Variants in SMYD3 observed in about 807,000 individuals in gnomAD.
SMYD3 encodes the protein SET and MYND domain containing 3.
SMYD3 carries 36 observed loss-of-function variants against 57.7 expected under a neutral mutation model. The observed-to-expected ratio is 0.62, with a 90% CI of 0.48 to 0.82. The LOEUF is 0.82. SMYD3 is among the 40% of genes least tolerant of loss of function. The pLI is 0.00. For synonymous variants in SMYD3, 211 were observed against 195.0 expected, an observed-to-expected ratio of 1.08 and a Z score of -0.68; for missense variants, 515 against 538.8, an observed-to-expected ratio of 0.96 and a Z score of 0.44.
chr1:245,915,684 C>T, intron 7 of SMYD3, 44 bp from the exon 8 acceptor site: 2 of 1,250,190 alleles, frequency 1.6e-6, no homozygotes, highest in Non-Finnish European at 2.3e-6. Context: ...ATCTGCTGTG[C>T]TCATTTCTTT....
intron 10 of SMYD3, among the ~76,000 whole-genome samples, chr1:245,770,255 C>A (rs564928745): frequency 3.3e-5 from 5 of 152,118 alleles, no homozygotes; most frequent in African/African-American, 1.2e-4. Flanking sequence ...GTACTTTTCC[C>A]TTTGATGATC....
intron 5 of SMYD3, among the ~76,000 whole-genome samples, chr1:245,951,428 G>A: frequency 7.2e-6 from 1 of 137,948 alleles, no homozygotes; most frequent in East Asian, 2.8e-4. Flanking sequence ...AATTAGCTGG[G>A]CGAGGTGGTG....
chr1:246,116,303 A>G (rs927477762), intron 5 of SMYD3, among the ~76,000 whole-genome samples: 1 of 151,922 alleles, frequency 6.6e-6, no homozygotes, highest in Non-Finnish European at 1.5e-5. Context: ...TACAGCTAAC[A>G]CTTCACTTCT....
intron 1 of SMYD3, among the ~76,000 whole-genome samples, chr1:246,405,985 G>C (rs971647845): frequency 1.3e-5 from 2 of 151,752 alleles, no homozygotes; most frequent in Non-Finnish European, 2.9e-5. Flanking sequence ...CTGAATCGCT[G>C]CAACAGTCTG....
intron 5 of SMYD3, among the ~76,000 whole-genome samples, chr1:245,949,573 G>A (rs772439379): frequency 7.6e-4 from 116 of 152,332 alleles, no homozygotes; most frequent in Non-Finnish European, 9.3e-4. Context: ...ACTTTGGGAG[G>A]CCAAGGCGGT....
At chr1:245,812,364 G>A (rs1264861699) in intron 10 of SMYD3, among the ~76,000 whole-genome samples, 3 of 152,158 alleles carry the variant, frequency 2.0e-5, no homozygotes, top group Admixed American at 6.5e-5. Flanking sequence ...TGCAGGAGCT[G>A]CCCCAGGGTT....
At chr1:246,081,006 A>C (rs1177135142) in intron 5 of SMYD3, among the ~76,000 whole-genome samples, 3 of 152,012 alleles carry the variant, frequency 2.0e-5, no homozygotes, top group African/African-American at 4.9e-5. Context: ...CTTCTGAAAG[A>C]AGTCCATCAC....
intron 10 of SMYD3, among the ~76,000 whole-genome samples, chr1:245,834,625 A>T (rs1433592634): frequency 6.6e-6 from 1 of 152,134 alleles, no homozygotes; most frequent in Non-Finnish European, 1.5e-5. Flanking sequence ...TATAATAGAC[A>T]TCCTAGCCAA....
chr1:246,096,849 C>T (rs1483396585), intron 5 of SMYD3, among the ~76,000 whole-genome samples: 1 of 152,156 alleles, frequency 6.6e-6, no homozygotes, highest in Non-Finnish European at 1.5e-5. Context: ...AAGACATGTG[C>T]AACAACCACC....
intron 5 of SMYD3, among the ~76,000 whole-genome samples, chr1:246,262,445 T>C (rs1401348512): frequency 6.6e-6 from 1 of 152,222 alleles, no homozygotes; most frequent in Non-Finnish European, 1.5e-5. Flanking sequence ...ACTCGTTTAA[T>C]CTTGACAACA....
chr1:245,756,791 T>C (rs2045623242), intron 11 of SMYD3, among the ~76,000 whole-genome samples: 1 of 129,228 alleles, frequency 7.7e-6, no homozygotes, highest in Non-Finnish European at 1.6e-5. Context: ...CTCTTGCTGC[T>C]TTTAGGACTT....
intron 10 of SMYD3, among the ~76,000 whole-genome samples, chr1:245,803,362 G>C (rs999128458): frequency 6.6e-6 from 1 of 151,998 alleles, no homozygotes; most frequent in Admixed American, 6.5e-5. Context: ...CTGTTGCTGA[G>C]AAACAATTAC....
At chr1:246,458,422 A>G (rs1423412728) in intron 1 of SMYD3, among the ~76,000 whole-genome samples, 1 of 150,212 alleles carries the variant, frequency 6.7e-6, no homozygotes, top group African/African-American at 2.4e-5. Flanking sequence ...CATAACCTTC[A>G]AGTAGAAAAG....
intron 10 of SMYD3, among the ~76,000 whole-genome samples, chr1:245,816,050 G>C (rs1031925393): frequency 1.3e-5 from 2 of 152,208 alleles, no homozygotes; most frequent in African/African-American, 4.8e-5. Flanking sequence ...ATGGGCCACA[G>C]TATCTCAAGG....
chr1:245,859,199 C>A (rs2051408412), intron 9 of SMYD3, among the ~76,000 whole-genome samples: 1 of 152,134 alleles, frequency 6.6e-6, no homozygotes, highest in African/African-American at 2.4e-5. Flanking sequence ...CTAGGTGGAG[C>A]AATTTGAAGA....
At chr1:245,961,777 C>A (rs2058015964) in intron 5 of SMYD3, among the ~76,000 whole-genome samples, 1 of 152,116 alleles carries the variant, frequency 6.6e-6, no homozygotes, top group South Asian at 2.1e-4. Flanking sequence ...ACACATGTTA[C>A]TATAATTAAC....
At chr1:246,298,607 TG>T (rs1393625118) in intron 5 of SMYD3, among the ~76,000 whole-genome samples, 1 of 152,126 alleles carries the variant, frequency 6.6e-6, no homozygotes. Context: ...AAAAACTTTC[TG>T]GACCTAACAG....
Position 245,828,771 on chromosome 1 carries a change from G to A in SMYD3, c.1076+29725C>T, listed in dbSNP as rs189189332. Among the ~76,000 whole-genome samples, 482 of 150,422 alleles carry A rather than the reference G, an allele frequency of 3.2e-3. 1 individual carries two copies. The highest frequency in any genetic ancestry group is 5.1e-3 in the Non-Finnish European group (344 of 67,826). On this transcript the variant is annotated intron_variant, in intron 10 of 11. Transcript: ENST00000490107. ...GGCTGGAGTGCAGTGGCATGATCTC[G>A]GGCTCACTGCAACCTCCGCTTCCCG...
At chr1:246,405,048 C>A (rs2066838768) in intron 1 of SMYD3, among the ~76,000 whole-genome samples, 1 of 152,102 alleles carries the variant, frequency 6.6e-6, no homozygotes. Context: ...ACCTCCCAGA[C>A]TCAAGTCATC....
Sources: gnomAD v4.1 joint callset for allele counts (sites outside exome capture counted in the v4.1 genomes callset) on GRCh38, gnomAD v4.1.1 for gene constraint, MANE v1.5 for transcripts, NCBI Gene and HGNC (gene_info 2026-07-23, HGNC 2026-07-21) for gene names.